LRBA: variants seen among roughly 807,000 people sequenced by gnomAD.
LRBA encodes lipopolysaccharide-responsive and beige-like anchor protein.
Under a neutral mutation model 330.0 loss-of-function variants are expected in LRBA, and 176 were observed. That is an observed-to-expected ratio of 0.53 (90% CI 0.47 to 0.60). LRBA has a LOEUF of 0.60. LRBA is among the 20% of genes least tolerant of loss of function. LRBA has a pLI of 0.00. For missense variants in LRBA, 3,259 were observed against 3,444.8 expected (o/e 0.95, Z 1.35); for synonymous variants, 1,230 against 1,193.0 (o/e 1.03, Z -0.64).
At chr4:150,639,639 A>G (rs1046659061) in intron 37 of LRBA, among the ~76,000 whole-genome samples, 11 of 143,926 alleles carry the variant, frequency 7.6e-5, no homozygotes, top group African/African-American at 2.8e-4. Context: ...GAATAGTTCA[A>G]TAATAATAAT....
chr4:150,777,636 T>C (rs968761606), intron 34 of LRBA, among the ~76,000 whole-genome samples: 1 of 152,044 alleles, frequency 6.6e-6, no homozygotes, highest in Non-Finnish European at 1.5e-5. Flanking sequence ...GAAGGGAATG[T>C]ATTAACACAA....
chr4:150,761,032 G>A lies in LRBA; in HGVS notation c.5645+751C>T, dbSNP rs952274833. Among the ~76,000 whole-genome samples the A allele has an allele frequency of 3.3e-5, 5 of 151,968 alleles. No homozygotes were observed. The South Asian group carries it at 8.3e-4, about 25-fold the overall frequency. On this transcript the variant is annotated intron_variant, in intron 35 of 56. Coordinates refer to ENST00000651943, the MANE Select transcript of LRBA (RefSeq NM_001364905.1). ...AACAACATTACCTAAAACACTAATCGAACATTGCTGAAACAGTAAGTTTGT... is the reference window on the plus strand; with the variant it reads ...AACAACATTACCTAAAACACTAATCAAACATTGCTGAAACAGTAAGTTTGT...
At chr4:150,416,455 A>G (rs1231584623) in intron 46 of LRBA, among the ~76,000 whole-genome samples, 1 of 152,210 alleles carries the variant, frequency 6.6e-6, no homozygotes. Context: ...AAAAAAATCC[A>G]GCAGGAATTA....
intron 36 of LRBA, among the ~76,000 whole-genome samples, chr4:150,717,675 G>GTAGTAATAATAATAATAA (rs1553944910): frequency 4.3e-5 from 6 of 139,770 alleles, no homozygotes; most frequent in Non-Finnish European, 7.7e-5. Flanking sequence ...AACAATAATA[G>GTAGTAATAATAATAATAA]TAATAATAAT....
intron 2 of LRBA, among the ~76,000 whole-genome samples, chr4:151,010,433 TTTGAAACAC>T (rs1744688055): frequency 6.6e-6 from 1 of 152,138 alleles, no homozygotes; most frequent in South Asian, 2.1e-4. Context: ...TGACCAGAAG[TTTGAAACAC>T]TTGACTACAT....
At chr4:150,889,557 A>G (rs1729269413) in intron 17 of LRBA, among the ~76,000 whole-genome samples, 1 of 152,222 alleles carries the variant, frequency 6.6e-6, no homozygotes, top group South Asian at 2.1e-4. Flanking sequence ...CTGTGGCATT[A>G]GATTCTCATA....
intron 22 of LRBA, among the ~76,000 whole-genome samples, chr4:150,855,388 T>C (rs756668816): frequency 4.6e-5 from 7 of 152,244 alleles, no homozygotes; most frequent in Non-Finnish European, 4.4e-5. Flanking sequence ...CACAGTCATT[T>C]TGAAAATAGG....
rs149325485 is a variant in LRBA, at chr4:150,514,810, G to A, written c.6331-23775C>T. Among the ~76,000 whole-genome samples, 35 of 152,244 alleles carry A rather than the reference G, an allele frequency of 2.3e-4. No homozygotes were observed. The East Asian group carries it at 2.7e-3, about 12-fold the overall frequency. On this transcript the variant is annotated intron_variant, in intron 40 of 56. Coordinates refer to ENST00000651943, the MANE Select transcript of LRBA (RefSeq NM_001364905.1). ...ACTCTCTTCCATTTCTTCTTATTGC[G>A]TATGTTAAATTGATTTAATGAATCA...
At chr4:150,569,309 A>C (rs1769545859) in intron 40 of LRBA, among the ~76,000 whole-genome samples, 1 of 152,178 alleles carries the variant, frequency 6.6e-6, no homozygotes, top group Admixed American at 6.6e-5. Flanking sequence ...GGTAAAGCAG[A>C]GGTCACAATG....
intron 11 of LRBA, among the ~76,000 whole-genome samples, chr4:150,907,053 T>C (rs1039642115): frequency 1.1e-4 from 16 of 150,276 alleles, no homozygotes; most frequent in South Asian, 6.4e-4. Flanking sequence ...CATGCTCTAC[T>C]ACCTACAATT....
intron 56 of LRBA, among the ~76,000 whole-genome samples, chr4:150,269,814 A>G (rs1351359272): frequency 6.6e-6 from 1 of 152,076 alleles, no homozygotes; most frequent in African/African-American, 2.4e-5. Context: ...GCATGGTGGC[A>G]CATGCCTGGA....
chr4:150,773,551 T>C (rs1384470689), intron 34 of LRBA, among the ~76,000 whole-genome samples: 1 of 152,210 alleles, frequency 6.6e-6, no homozygotes, highest in Admixed American at 6.5e-5. Flanking sequence ...GCAAGTGAGA[T>C]GAATATATGC....
chr4:150,898,062 G>A (rs1730304249), intron 14 of LRBA, among the ~76,000 whole-genome samples: 2 of 151,920 alleles, frequency 1.3e-5, no homozygotes, highest in African/African-American at 4.8e-5. Context: ...TTTGTACTTT[G>A]AATAGGTCAA....
chr4:150,733,055 A>C (rs1168101347), intron 36 of LRBA, among the ~76,000 whole-genome samples: 1 of 152,042 alleles, frequency 6.6e-6, no homozygotes, highest in Non-Finnish European at 1.5e-5. Context: ...TTGTGTCTTA[A>C]ATTTGTTATA....
intron 32 of LRBA, among the ~76,000 whole-genome samples, chr4:150,806,902 C>T (rs1742881742): frequency 6.6e-6 from 1 of 151,832 alleles, no homozygotes; most frequent in South Asian, 2.1e-4. Flanking sequence ...CTTTCTAATG[C>T]AATGTGAATG....
At chr4:150,460,545 G>C (rs758073162) in intron 44 of LRBA, among the ~76,000 whole-genome samples, 1 of 151,744 alleles carries the variant, frequency 6.6e-6, no homozygotes, top group Non-Finnish European at 1.5e-5. Context: ...TGTAACATAG[G>C]TTTAAAAACA....
At chr4:150,743,166 C>T (rs1026081868) in intron 35 of LRBA, among the ~76,000 whole-genome samples, 2 of 152,106 alleles carry the variant, frequency 1.3e-5, no homozygotes, top group African/African-American at 4.8e-5. Context: ...GGTGGGGTTT[C>T]ACCATGTTGG....
At chr4:150,283,420 G>A (rs1337282513) in intron 54 of LRBA, among the ~76,000 whole-genome samples, 1 of 152,134 alleles carries the variant, frequency 6.6e-6, no homozygotes, top group African/African-American at 2.4e-5. Context: ...GGCAAAGAAG[G>A]AATAAGGAAC....
chr4:150,656,885 G>A (rs1780241871), intron 37 of LRBA, among the ~76,000 whole-genome samples: 1 of 152,176 alleles, frequency 6.6e-6, no homozygotes, highest in Non-Finnish European at 1.5e-5. Context: ...AAAGTATTAT[G>A]AGTAGAAACA....
Sources: gnomAD v4.1 joint callset for allele counts (sites outside exome capture counted in the v4.1 genomes callset) on GRCh38, gnomAD v4.1.1 for gene constraint, MANE v1.5 for transcripts, NCBI Gene and HGNC (gene_info 2026-07-23, HGNC 2026-07-21) for gene names.